Variants in CHST15 observed in about 807,000 individuals in gnomAD.
CHST15 encodes carbohydrate sulfotransferase 15, also known as B cell RAG associated protein (GALNAC4S-6ST).
Under a neutral mutation model 53.6 loss-of-function variants are expected in CHST15, and 30 were observed. That is an observed-to-expected ratio of 0.56 (90% CI 0.42 to 0.76). The LOEUF is 0.76. CHST15 is among the 30% of genes least tolerant of loss of function. The pLI, the probability that CHST15 is intolerant of heterozygous loss-of-function variation, is 0.00. For missense variants in CHST15, 627 were observed against 740.5 expected (o/e 0.85, Z 1.78); for synonymous variants, 296 against 289.8 (o/e 1.02, Z -0.22).
chr10:124,085,782 T>A (rs1253651042), intron 1 of CHST15, among the ~76,000 whole-genome samples: 2 of 152,022 alleles, frequency 1.3e-5, no homozygotes, highest in Non-Finnish European at 1.5e-5. Flanking sequence ...GATCCACACC[T>A]GGCTGGGGAA....
At chr10:124,021,561 C>G in intron 5 of CHST15, 149 bp from the exon 6 acceptor site, 1 of 1,379,710 alleles carries the variant, frequency 7.2e-7, no homozygotes, top group Non-Finnish European at 9.6e-7. Context: ...AGATGAGCCA[C>G]CTCCCTCATC....
At position 124,074,998 on chromosome 10, in the gene CHST15, G is replaced by A; in HGVS notation, c.-513+18471C>T. Among the ~76,000 whole-genome samples the A allele has an allele frequency of 6.6e-6, 1 of 152,138 alleles. No homozygotes were observed. The highest frequency in any genetic ancestry group is 1.9e-4 in the East Asian group (1 of 5,190). ...CTTTTCATGTTTCTGTTTCTCTTTT[G>A]TGTATCAAGATTTTTCCCCTAATAC... On this transcript the variant is annotated intron_variant, in intron 1 of 7. Coordinates refer to ENST00000435907, the MANE Select transcript of CHST15 (RefSeq NM_001270764.2). This position sits in a 1 kb window ranked among gnomAD's most constrained non-coding sequence, Gnocchi z 4.4.
Position 124,041,762 on chromosome 10 carries a change from T to C in CHST15, c.1033+539A>G, listed in dbSNP as rs770883308. Among the ~76,000 whole-genome samples the C allele has an allele frequency of 9.9e-5, 15 of 152,230 alleles. 1 individual carries two copies. In the South Asian group the frequency reaches 1.4e-3, roughly 15 times the overall value. On this transcript the variant is annotated intron_variant, in intron 4 of 7. Transcript: ENST00000435907. ...TAAAACAAATTATTATTAATCAACC[T>C]CACTTTGAATGCCCAAAGGCATGAG...
chr10:124,080,754 A>G (rs1282298464), intron 1 of CHST15, among the ~76,000 whole-genome samples: 2 of 152,210 alleles, frequency 1.3e-5, no homozygotes, highest in African/African-American at 2.4e-5. Flanking sequence ...CCCCAGCTAT[A>G]AACAGACGAT....
intron 5 of CHST15, among the ~76,000 whole-genome samples, chr10:124,023,836 T>A (rs1946885242): frequency 6.9e-6 from 1 of 145,394 alleles, no homozygotes. Flanking sequence ...ACATCCATAT[T>A]TCCGTCTTCG....
At chr10:124,057,169 T>C (rs1221628520) in intron 1 of CHST15, among the ~76,000 whole-genome samples, 1 of 152,206 alleles carries the variant, frequency 6.6e-6, no homozygotes, top group Non-Finnish European at 1.5e-5. Flanking sequence ...TCTCCGTATA[T>C]AAGATATGGA....
chr10:124,086,297 G>A (rs546024835), intron 1 of CHST15, among the ~76,000 whole-genome samples: 4 of 152,338 alleles, frequency 2.6e-5, no homozygotes, highest in African/African-American at 7.2e-5. Flanking sequence ...GGCCGGGCAC[G>A]GAGCCCAGCA....
At chr10:124,013,077 G>A (rs1006515323) in intron 6 of CHST15, among the ~76,000 whole-genome samples, 71 of 152,066 alleles carry the variant, frequency 4.7e-4, no homozygotes, top group African/African-American at 1.4e-3. Context: ...TCCTTCTCTC[G>A]TGCCTTACTG....
intron 1 of CHST15, chr10:124,092,349 G>C (rs531270555): frequency 6.6e-6 from 1 of 152,204 alleles, no homozygotes; most frequent in South Asian, 2.1e-4. Context: ...TGCCTCGCTC[G>C]GCTCGCCGCA....
At chr10:124,090,670 A>G (rs1472905275) in intron 1 of CHST15, among the ~76,000 whole-genome samples, 1 of 152,240 alleles carries the variant, frequency 6.6e-6, no homozygotes, top group Non-Finnish European at 1.5e-5. Context: ...CAGGGGCAGC[A>G]GCAACCAGGG....
chr10:124,065,790 G>A (rs1467821521), intron 1 of CHST15, among the ~76,000 whole-genome samples: 2 of 152,050 alleles, frequency 1.3e-5, no homozygotes, highest in African/African-American at 2.4e-5. Context: ...TGTTTTTTCC[G>A]TTTTGTTTTG....
rs752093499 is a variant in CHST15 at position 124,021,246 on chromosome 10, G to GC, written c.1347+9_1347+10insG. 7.4e-5 allele frequency: 116 copies of GC among 1,562,598 alleles called. 1 individual carries two copies. The highest frequency in any genetic ancestry group is 1.4e-4 in the East Asian group (6 of 42,316). ...CCAGCTCGGGGGGTACGGGGGGGGG[G>GC]GGTACACACAGGCATGGCGTTGTTG... On this transcript the variant is annotated intron_variant, in intron 6 of 7. Transcript: ENST00000435907.
intron 4 of CHST15, among the ~76,000 whole-genome samples, chr10:124,039,218 G>A (rs555088511): frequency 1.6e-4 from 25 of 152,292 alleles, no homozygotes; most frequent in African/African-American, 5.8e-4. Context: ...TGAACTGGGG[G>A]CCCAAGATGA....
intron 5 of CHST15, among the ~76,000 whole-genome samples, chr10:124,028,974 G>A (rs1336918452): frequency 6.6e-6 from 1 of 151,014 alleles, no homozygotes; most frequent in Non-Finnish European, 1.5e-5. Flanking sequence ...AGGAGGACCC[G>A]AGATGGGGAC....
chr10:124,057,002 C>CAT (rs1367386757), intron 1 of CHST15, among the ~76,000 whole-genome samples: 1 of 152,252 alleles, frequency 6.6e-6, no homozygotes, highest in East Asian at 1.9e-4. Flanking sequence ...ACCGGACACG[C>CAT]TGCGGCCCAG....
intron 6 of CHST15, among the ~76,000 whole-genome samples, chr10:124,013,528 T>C (rs1447218447): frequency 2.6e-5 from 4 of 152,216 alleles, no homozygotes; most frequent in African/African-American, 9.7e-5. Context: ...CTTCATCCTT[T>C]CCCTGTAATA....
At chr10:124,029,524 C>T (rs991275234) in intron 5 of CHST15, among the ~76,000 whole-genome samples, 3 of 152,188 alleles carry the variant, frequency 2.0e-5, no homozygotes, top group African/African-American at 7.2e-5. Flanking sequence ...TCACAGGGCC[C>T]CGGTAACTGT....
rs1323656737 is a variant in CHST15, at chr10:124,009,421, G to A, written c.*728C>T. On this transcript the variant is annotated 3_prime_UTR_variant, in exon 8 of 8. Coordinates refer to ENST00000435907, the MANE Select transcript of CHST15 (RefSeq NM_001270764.2). ...ACATAAGTCCACAAGGACAGAATAGGAGGAGGTCAGAAAGATGAAGGTGCT... is the reference window on the plus strand; with the variant it reads ...ACATAAGTCCACAAGGACAGAATAGAAGGAGGTCAGAAAGATGAAGGTGCT... 1 of 993,372 alleles carries A rather than the reference G, an allele frequency of 1.0e-6. No individual in the cohort carries two copies. The highest frequency in any genetic ancestry group is 5.8e-5 in the Admixed American group (1 of 17,386). 61.5% of individuals were successfully genotyped at this position (993,372 alleles called of 1,614,324 possible). A position where few individuals can be genotyped will look rare whatever the true frequency, so the allele number is the denominator to read the frequency against.
chr10:124,045,098 C>A (rs1396506874), intron 2 of CHST15, among the ~76,000 whole-genome samples, 179 bp from the exon 3 acceptor site: 3 of 109,822 alleles, frequency 2.7e-5, no homozygotes, highest in African/African-American at 9.2e-5. Flanking sequence ...GCTTTCCTCT[C>A]CCCCGCCGCC....
Sources: gnomAD v4.1 joint callset for allele counts (sites outside exome capture counted in the v4.1 genomes callset) on GRCh38, gnomAD v4.1.1 for gene constraint, Gnocchi (gnomAD v3.1) non-coding constraint, MANE v1.5 for transcripts, NCBI Gene and HGNC (gene_info 2026-07-23, HGNC 2026-07-21) for gene names.